The following SYNE2 variants were observed in gnomAD, a reference collection of about 807,000 sequenced individuals.
SYNE2 encodes the protein spectrin repeat containing nuclear envelope protein 2.
A neutral mutation model predicts 856.3 loss-of-function variants in SYNE2; 431 were observed. The observed-to-expected ratio is 0.50, with a 90% confidence interval of 0.47 to 0.55. The LOEUF (loss-of-function observed/expected upper bound fraction) is 0.55, where lower values mean the gene tolerates loss of function less well. Ranked by LOEUF, SYNE2 falls within the 20% of genes least tolerant of loss-of-function variation. SYNE2 has a pLI of 0.00. For missense variants in SYNE2, 8,129 were observed against 8,023.2 expected (o/e 1.01, Z -0.50); for synonymous variants, 2,923 against 2,872.3 (o/e 1.02, Z -0.56).
At position 64,098,021 on chromosome 14, in the gene SYNE2, A is replaced by G. The variant is rs2097691432; in HGVS notation, c.12181A>G (p.Lys4061Glu). ...AAAAGAAGACCTGTTGGTGGACTTG[A>G]AGGCCACCGTACTAAACCTTCACCA... Reference protein sequence around the residue: ...QRKEDLLVDLKATVLNLHQHL... With the variant: ...QRKEDLLVDLEATVLNLHQHL... The change falls in exon 62 of 116, where the codon AAG (lysine) becomes GAG (glutamate). Residue 4061 changes from lysine (K) to glutamate (E), a missense_variant. Lys to Glu is a moderately conservative substitution (Grantham distance 56, BLOSUM62 1). This residue lies in a region of SYNE2 where 5,410 missense variants were observed against 5,284.8 expected (regional missense o/e 1.02). Transcript: ENST00000555002. 6.2e-7 allele frequency: 1 copy of G among 1,614,204 alleles called. No individual in the cohort carries two copies. Among genetic ancestry groups the G allele is most frequent in the Non-Finnish European group, 8.5e-7 (1 of 1,180,034 alleles).
chr14:63,926,949 G>A (rs2095674160), intron 2 of SYNE2, among the ~76,000 whole-genome samples: 1 of 152,222 alleles, frequency 6.6e-6, no homozygotes, highest in South Asian at 2.1e-4. Context: ...AACTGGTGAA[G>A]TGAATAGGGG....
chr14:63,958,393 A>G (rs72718361), intron 8 of SYNE2, among the ~76,000 whole-genome samples: 3,749 of 152,260 alleles, frequency 0.025, 60 homozygotes, highest in Admixed American at 0.042. Flanking sequence ...TTTAGAGATT[A>G]CTGGTTAGGT....
chr14:64,128,385 A>G, intron 73 of SYNE2, 67 bp from the exon 74 acceptor site: 1 of 866,948 alleles, frequency 1.2e-6, no homozygotes, highest in South Asian at 1.4e-5. Context: ...ATAAAAACCA[A>G]CTAAATATAA....
rs754088646 is a variant in SYNE2, at chr14:64,126,587, C to T, written c.13708-11C>T. The T allele has an allele frequency of 2.5e-6, 4 of 1,614,208 alleles. No homozygotes were observed. Among genetic ancestry groups the T allele is most frequent in the South Asian group, 2.2e-5 (2 of 91,082 alleles). On this transcript the variant is annotated splice_polypyrimidine_tract_variant and intron_variant, in intron 72 of 115. Transcript: ENST00000555002. ...GAGCTCATTCATTGTCTTCCTTCCT[C>T]TCCACTCCAGACGCTGGCTCTTGAG...
chr14:63,963,872 G>C (rs1566923534), intron 9 of SYNE2, 27 bp from the exon 10 acceptor site: 1 of 1,552,532 alleles, frequency 6.4e-7, no homozygotes, highest in Admixed American at 1.7e-5. Flanking sequence ...TTAAAATATA[G>C]TTTAATTTTG....
At chr14:64,171,745 G>A (rs1050860289) in intron 94 of SYNE2, among the ~76,000 whole-genome samples, 7 of 152,206 alleles carry the variant, frequency 4.6e-5, no homozygotes, top group African/African-American at 1.7e-4. Context: ...GGGTAGGGAG[G>A]AGTGTTTTGC....
chr14:64,223,705 A>G (rs948394641), intron 113 of SYNE2, among the ~76,000 whole-genome samples: 1 of 152,172 alleles, frequency 6.6e-6, no homozygotes, highest in Non-Finnish European at 1.5e-5. Context: ...ACCTCAAGCA[A>G]TGCAAAGTTC....
At chr14:64,208,987 C>A (rs748184740) in intron 101 of SYNE2, 42 bp downstream of exon 101, 20 of 1,598,592 alleles carry the variant, frequency 1.3e-5, no homozygotes, top group African/African-American at 2.7e-5. Flanking sequence ...CGTGGTCAGC[C>A]GAACTCAATA....
rs1202047428 is a variant in SYNE2 at position 64,119,546 on chromosome 14, A to G, written c.12960A>G (p.Lys4320=). The change falls in exon 67 of 116, where the codon AAA becomes AAG. Residue 4320 remains lysine (K), a synonymous_variant. Transcript: ENST00000555002. ...CTGAAGCGCTTTCCCTGAAACTGAA[A>G]ACAGTGAAGTGCAATTTAGAAAAAG... ...HEAEALSLKL[K]TVKCNLEKVQ... is the part of the protein sequence containing the mutation. 1 of 1,614,204 alleles carries G rather than the reference A, an allele frequency of 6.2e-7. No individual in the cohort carries two copies. Among genetic ancestry groups the G allele is most frequent in the East Asian group, 2.2e-5 (1 of 44,878 alleles).
intron 48 of SYNE2, among the ~76,000 whole-genome samples, chr14:64,055,576 C>T (rs1290267759): frequency 3.3e-5 from 5 of 152,108 alleles, no homozygotes; most frequent in South Asian, 2.1e-4. Flanking sequence ...ACCATACTGG[C>T]CAGGCTGGTC....
At chr14:64,137,592 A>G (rs1018313694) in intron 78 of SYNE2, among the ~76,000 whole-genome samples, 195 bp from the exon 79 acceptor site, 1 of 152,218 alleles carries the variant, frequency 6.6e-6, no homozygotes, top group African/African-American at 2.4e-5. Context: ...GAAATGCAAG[A>G]TTGGACACCT....
chr14:64,081,972 G>C (rs2097527306), intron 57 of SYNE2, among the ~76,000 whole-genome samples: 1 of 152,006 alleles, frequency 6.6e-6, no homozygotes, highest in Admixed American at 6.6e-5. Flanking sequence ...TGTAGTCCCA[G>C]CTACTCGGGA....
At chr14:63,891,295 G>A (rs1595467769) in intron 1 of SYNE2, among the ~76,000 whole-genome samples, 3 of 152,142 alleles carry the variant, frequency 2.0e-5, no homozygotes, top group Admixed American at 1.3e-4. Flanking sequence ...ACGAGGAGGC[G>A]GTCAGAACTT....
rs73264001 is a variant in SYNE2 at position 64,224,276 on chromosome 14, G to A, written c.20383-185G>A. Among the ~76,000 whole-genome samples the A allele has an allele frequency of 0.021, 3,234 of 151,848 alleles. 120 individuals carry two copies. Among genetic ancestry groups the A allele is most frequent in the African/African-American group, 0.074 (3,047 of 41,346 alleles). ...AGGCTGAGGTAGAAGGATTGAGTTT[G>A]GGAGGTTGAGGCTGCAGTGACCTGT... On this transcript the variant is annotated intron_variant, in intron 113 of 115. Coordinates refer to ENST00000555002, the MANE Select transcript of SYNE2 (RefSeq NM_182914.3).
At chr14:64,154,573 G>A (rs1336127119) in intron 85 of SYNE2, among the ~76,000 whole-genome samples, 2 of 151,760 alleles carry the variant, frequency 1.3e-5, no homozygotes, top group East Asian at 1.9e-4. Context: ...TGGGCAGATC[G>A]CTTGAATTCA....
chr14:63,783,347 C>T (rs1022014587), intron 1 of SYNE2, among the ~76,000 whole-genome samples: 47 of 152,086 alleles, frequency 3.1e-4, no homozygotes, highest in African/African-American at 1.1e-3. Context: ...GAGTCAATCC[C>T]TTTATAAATT....
chr14:63,965,387 A>G (rs1389173205), intron 10 of SYNE2, among the ~76,000 whole-genome samples: 2 of 152,176 alleles, frequency 1.3e-5, no homozygotes, highest in African/African-American at 4.8e-5. Flanking sequence ...ATTTAAGGTT[A>G]CATGGCTACT....
At chr14:63,814,090 C>T (rs1888727472) in intron 1 of SYNE2, among the ~76,000 whole-genome samples, 2 of 150,706 alleles carry the variant, frequency 1.3e-5, no homozygotes, top group South Asian at 2.1e-4. Flanking sequence ...ACAACAACAA[C>T]AGCAACAACA....
At chr14:64,168,452 G>A (rs1178632322) in intron 92 of SYNE2, among the ~76,000 whole-genome samples, 1 of 152,188 alleles carries the variant, frequency 6.6e-6, no homozygotes, top group East Asian at 1.9e-4. Flanking sequence ...AGTCTACATT[G>A]CTACATTAAG....
Sources: gnomAD v4.1 joint callset for allele counts (sites outside exome capture counted in the v4.1 genomes callset) on GRCh38, gnomAD v4.1.1 for gene constraint, gnomAD v4.1.1 regional missense constraint, MANE v1.5 for transcripts, NCBI Gene and HGNC (gene_info 2026-07-23, HGNC 2026-07-21) for gene names.